The following IFIT1B variants were observed in gnomAD, a reference collection of about 807,000 sequenced individuals.
IFIT1B encodes protein IFIT1 homolog B.
Under a neutral mutation model 2.5 loss-of-function variants are expected in IFIT1B, and 3 were observed. That is an observed-to-expected ratio of 1.21 (90% confidence interval 0.55 to 3.14). IFIT1B has a LOEUF of 3.14. Among genes scored for constraint, IFIT1B ranks in the 30% most tolerant of loss-of-function variants. The pLI is 0.03. For synonymous variants in IFIT1B, 196 were observed against 203.0 expected (o/e 0.97, Z 0.29); for missense variants, 545 against 556.5 (o/e 0.98, Z 0.21).
intron 1 of IFIT1B, among the ~76,000 whole-genome samples, chr10:89,382,649 G>A (rs1023214242): frequency 2.6e-5 from 4 of 152,212 alleles, no homozygotes; most frequent in Non-Finnish European, 5.9e-5. Context: ...CCTATGTAAT[G>A]TTCATTCATG....
intron 1 of IFIT1B, among the ~76,000 whole-genome samples, chr10:89,381,694 T>C (rs184638430): frequency 3.9e-5 from 6 of 152,306 alleles, no homozygotes; most frequent in African/African-American, 1.4e-4. Flanking sequence ...GCAGCAGTCA[T>C]AAGCCTGAGT....
At chr10:89,381,897 T>A (rs1844166146) in intron 1 of IFIT1B, among the ~76,000 whole-genome samples, 1 of 152,154 alleles carries the variant, frequency 6.6e-6, no homozygotes, top group African/African-American at 2.4e-5. Flanking sequence ...GTGATTCTTG[T>A]GCCTCAGCCT....
rs772211454 is a variant in IFIT1B at position 89,384,629 on chromosome 10, G to C, written c.1316G>C (p.Ser439Thr). Reference sequence around the variant, plus strand: ...CACCAGAATGTACGGGTTGTGGAAAGTGTCAGCCTCCTTGGGCTTATCCAC... The same window carrying C: ...CACCAGAATGTACGGGTTGTGGAAACTGTCAGCCTCCTTGGGCTTATCCAC... ...CIHQNVRVVE[S>T]VSLLGLIHKL... The change falls in exon 2 of 2, where the codon AGT becomes ACT. Residue 439 changes from serine (S) to threonine (T), a missense_variant. Transcript: ENST00000371809. 6.2e-7 allele frequency: 1 copy of C among 1,614,216 alleles called. No homozygotes were observed. The highest frequency in any genetic ancestry group is 1.7e-5 in the Admixed American group (1 of 60,030).
chr10:89,381,142 G>C (rs1452115883), intron 1 of IFIT1B, among the ~76,000 whole-genome samples: 1 of 152,074 alleles, frequency 6.6e-6, no homozygotes, highest in Non-Finnish European at 1.5e-5. Context: ...GCTGAGATTG[G>C]GTACATATTT....
At chr10:89,378,931 T>C (rs1844141585) in intron 1 of IFIT1B, among the ~76,000 whole-genome samples, 1 of 152,174 alleles carries the variant, frequency 6.6e-6, no homozygotes, top group Non-Finnish European at 1.5e-5. Flanking sequence ...TAAAGACTGT[T>C]CACCAGGGAA....
At chr10:89,382,316 G>A (rs1176144477) in intron 1 of IFIT1B, among the ~76,000 whole-genome samples, 1 of 152,126 alleles carries the variant, frequency 6.6e-6, no homozygotes, top group Admixed American at 6.6e-5. Flanking sequence ...AATTAGTTTA[G>A]AACACAGAGG....
rs772726271 is a variant in IFIT1B at position 89,378,088 on chromosome 10, C to G, written c.-48C>G. ...TGTGGATGAACCTTGAAGGAGCCTC[C>G]AAGCCTGAACCAAAGCACTACAGAT... On this transcript the variant is annotated 5_prime_UTR_variant, in exon 1 of 2. Coordinates refer to ENST00000371809, the MANE Select transcript of IFIT1B (RefSeq NM_001010987.2). 6.8e-6 allele frequency: 11 copies of G among 1,611,708 alleles called. No individual in the cohort carries two copies. Among genetic ancestry groups the G allele is most frequent in the Non-Finnish European group, 9.3e-6 (11 of 1,177,964 alleles).
chr10:89,378,773 C>G (rs941048605), intron 1 of IFIT1B, among the ~76,000 whole-genome samples: 1 of 152,232 alleles, frequency 6.6e-6, no homozygotes, highest in African/African-American at 2.4e-5. Context: ...AGTTTCCTAA[C>G]TCCTGTTACA....
At chr10:89,382,529 A>G (rs1844170855) in intron 1 of IFIT1B, among the ~76,000 whole-genome samples, 1 of 152,132 alleles carries the variant, frequency 6.6e-6, no homozygotes, top group South Asian at 2.1e-4. Context: ...GATTACTACA[A>G]TTGTTGAGAT....
chr10:89,378,507 G>A (rs1182190062), intron 1 of IFIT1B, among the ~76,000 whole-genome samples: 2 of 152,142 alleles, frequency 1.3e-5, no homozygotes, highest in African/African-American at 4.8e-5. Context: ...TTCTCAAGAG[G>A]CCTTTGGTGA....
Position 89,384,831 on chromosome 10 carries a change from A to G in IFIT1B, c.*93A>G, listed in dbSNP as rs1188389878. 1.7e-6 allele frequency: 2 copies of G among 1,181,302 alleles called. No individual in the cohort carries two copies. The highest frequency in any genetic ancestry group is 2.4e-5 in the East Asian group (1 of 42,510). The allele number at this position is 1,181,302 out of a possible 1,614,324, so 73.2% of individuals were successfully genotyped here. A position where few individuals can be genotyped will look rare whatever the true frequency, so the allele number is the denominator to read the frequency against. On this transcript the variant is annotated 3_prime_UTR_variant, in exon 2 of 2. Transcript: ENST00000371809. ...GCAAACTTAAAGCTGTTGGAAATTT[A>G]CCTTATTTTGAGCCTTGAGAGGAAT...
At chr10:89,381,011 A>C (rs994760050) in intron 1 of IFIT1B, among the ~76,000 whole-genome samples, 1 of 152,192 alleles carries the variant, frequency 6.6e-6, no homozygotes, top group African/African-American at 2.4e-5. Flanking sequence ...ATCTCAGTGA[A>C]AGCCAAAATC....
Position 89,383,883 on chromosome 10 carries a change from A to AT in IFIT1B, c.573dup (p.Asn192Ter). ...CAATCACCGTCTATCGCCTGGATAA[A>AT]TTTAACACAGCATCAGGGAGGAATA... On this transcript the variant is annotated frameshift_variant, in exon 2 of 2. Transcript: ENST00000371809. LOFTEE classifies it low-confidence loss of function (END_TRUNC). 1.2e-6 allele frequency: 2 copies of AT among 1,614,224 alleles called. No individual in the cohort carries two copies. Among genetic ancestry groups the AT allele is most frequent in the Non-Finnish European group, 1.7e-6 (2 of 1,180,044 alleles).
At position 89,383,711 on chromosome 10, in the gene IFIT1B, G is replaced by A. The variant is rs148517080; in HGVS notation, c.398G>A (p.Arg133His). ...NTCKKFANPS[R>H]YRMECPEVDC... ...TGCAAGAAGTTTGCAAATCCTTCCC[G>A]CTATAGAATGGAGTGTCCAGAGGTG... The change falls in exon 2 of 2, where the codon CGC becomes CAC. Residue 133 changes from arginine to histidine, a missense_variant. Transcript: ENST00000371809. 3.6e-4 allele frequency: 584 copies of A among 1,614,182 alleles called. 3 individuals are homozygous for A. The African/African-American group carries it at 7.0e-3, about 19-fold the overall frequency.
At chr10:89,379,756 T>C (rs1477631977) in intron 1 of IFIT1B, among the ~76,000 whole-genome samples, 3 of 152,148 alleles carry the variant, frequency 2.0e-5, no homozygotes, top group Admixed American at 2.0e-4. Flanking sequence ...TAGTTGTGGC[T>C]GGGCATGGTG....
chr10:89,379,209 T>A (rs567733312), intron 1 of IFIT1B, among the ~76,000 whole-genome samples: 1 of 152,362 alleles, frequency 6.6e-6, no homozygotes, highest in African/African-American at 2.4e-5. Context: ...AATTTGCTTT[T>A]CACTGAATTA....
At position 89,384,869 on chromosome 10, in the gene IFIT1B, C is replaced by T. The variant is rs1844194158; in HGVS notation, c.*131C>T. On this transcript the variant is annotated 3_prime_UTR_variant, in exon 2 of 2. Coordinates refer to ENST00000371809, the MANE Select transcript of IFIT1B (RefSeq NM_001010987.2). The stretch of plus-strand genomic sequence containing the variant: ...CCTTGAGAGGAATGTGGCTGTGTGG[C>T]CTGAGTTATGTAGCATGCAACTGCA... 3.8e-6 allele frequency: 3 copies of T among 793,822 alleles called. No individual in the cohort carries two copies. The South Asian group carries it at 5.6e-5, about 15-fold the overall frequency. 49.2% of individuals were successfully genotyped at this position (793,822 alleles called of 1,614,324 possible).
At chr10:89,383,098 A>C (rs1167476956) in intron 1 of IFIT1B, among the ~76,000 whole-genome samples, 3 of 152,196 alleles carry the variant, frequency 2.0e-5, no homozygotes, top group Admixed American at 2.0e-4. Flanking sequence ...GACTTCATGT[A>C]ACCTATCTGT....
rs753741480 is a variant in IFIT1B, at chr10:89,383,621, G to C, written c.308G>C (p.Trp103Ser). The stretch of plus-strand genomic sequence containing the variant: ...CTGGTGACCTGGGGCAACTTTGCCT[G>C]GGTGTATTACCACATGGGCAGATTG... ...RSLVTWGNFA[W>S]VYYHMGRLAE... Residue 103 changes from tryptophan (W) to serine (S), a missense_variant, in exon 2 of 2, where the codon TGG (tryptophan) becomes TCG (serine). Transcript: ENST00000371809. The C allele has an allele frequency of 1.9e-6, 3 of 1,614,222 alleles. No homozygotes were observed. Among genetic ancestry groups the C allele is most frequent in the East Asian group, 4.5e-5 (2 of 44,886 alleles).
Sources: allele counts gnomAD v4.1 joint callset (sites outside exome capture counted in the v4.1 genomes callset), GRCh38; gene constraint gnomAD v4.1.1; transcripts MANE v1.5; gene names NCBI Gene and HGNC (gene_info 2026-07-23, HGNC 2026-07-21).